ADAMTS6: variants seen among roughly 807,000 people sequenced by gnomAD.
ADAMTS6 encodes the protein A disintegrin and metalloproteinase with thrombospondin motifs 6.
ADAMTS6 carries 23 observed loss-of-function variants against 144.3 expected under a neutral mutation model. The observed-to-expected ratio is 0.16, with a 90% CI of 0.11 to 0.23. ADAMTS6 has a LOEUF of 0.23. ADAMTS6 is among the 10% of genes least tolerant of loss of function. The pLI is 1.00. For missense variants in ADAMTS6, 999 were observed against 1,379.6 expected (o/e 0.72, Z 4.37); for synonymous variants, 444 against 457.5 (o/e 0.97, Z 0.38).
intron 14 of ADAMTS6, among the ~76,000 whole-genome samples, chr5:65,257,830 C>T (rs963779245): frequency 6.6e-6 from 1 of 152,170 alleles, no homozygotes; most frequent in Non-Finnish European, 1.5e-5. Flanking sequence ...ACTTCTATAG[C>T]ATCCCATACT....
chr5:65,437,684 T>C (rs1757550217), intron 7 of ADAMTS6, among the ~76,000 whole-genome samples: 1 of 152,256 alleles, frequency 6.6e-6, no homozygotes, highest in Non-Finnish European at 1.5e-5. Flanking sequence ...GTATAGTATT[T>C]GCATGTGATC....
chr5:65,396,390 T>C (rs1753341536), intron 7 of ADAMTS6, among the ~76,000 whole-genome samples: 1 of 152,206 alleles, frequency 6.6e-6, no homozygotes, highest in Non-Finnish European at 1.5e-5. Context: ...ATGTCTTGAT[T>C]ATGCGATAAG....
At chr5:65,365,836 A>C (rs908622911) in intron 7 of ADAMTS6, among the ~76,000 whole-genome samples, 1 of 152,140 alleles carries the variant, frequency 6.6e-6, no homozygotes, top group Non-Finnish European at 1.5e-5. Context: ...CTTATTTTAC[A>C]AAGTAAAATG....
chr5:65,302,270 TA>T (rs1205808324), intron 9 of ADAMTS6, among the ~76,000 whole-genome samples: 1 of 140,590 alleles, frequency 7.1e-6, no homozygotes, highest in Non-Finnish European at 1.5e-5. Context: ...TATTAATATC[TA>T]AATTATATAT....
intron 7 of ADAMTS6, among the ~76,000 whole-genome samples, chr5:65,338,761 T>C (rs189552622): frequency 1.8e-4 from 27 of 152,170 alleles, no homozygotes; most frequent in African/African-American, 6.0e-4. Context: ...ATCCCAGGCC[T>C]AAGAAACAGC....
chr5:65,161,640 G>T (rs1212913941), intron 24 of ADAMTS6, among the ~76,000 whole-genome samples: 1 of 152,104 alleles, frequency 6.6e-6, no homozygotes, highest in Non-Finnish European at 1.5e-5. Flanking sequence ...TGCCCTGAAA[G>T]ACTATGAACT....
chr5:65,210,546 T>C, intron 20 of ADAMTS6: 2 of 507,552 alleles, frequency 3.9e-6, no homozygotes, highest in Non-Finnish European at 7.1e-6. Context: ...CAGGTGTCTT[T>C]ATCTGCTATC....
Position 65,164,396 on chromosome 5 carries a change from G to A in ADAMTS6, c.3244+6221C>T, listed in dbSNP as rs1337373910. On this transcript the variant is annotated intron_variant, in intron 24 of 24. Coordinates refer to ENST00000381055, the MANE Select transcript of ADAMTS6 (RefSeq NM_197941.4). ...GAGGGTCCTACGCCCACGGAGTCTC[G>A]CTGATTGCTAGCACAGCAGTCTGAG... Among the ~76,000 whole-genome samples the A allele has an allele frequency of 6.5e-4, 98 of 151,564 alleles. 2 individuals are homozygous for A. The South Asian group carries it at 0.017, about 27-fold the overall frequency.
chr5:65,350,944 G>A (rs1298436119), intron 7 of ADAMTS6, among the ~76,000 whole-genome samples: 1 of 152,100 alleles, frequency 6.6e-6, no homozygotes, highest in Admixed American at 6.6e-5. Flanking sequence ...CACTGAACCC[G>A]GCCTCTAACT....
At chr5:65,360,573 AGTCAAT>A (rs761148393) in intron 7 of ADAMTS6, among the ~76,000 whole-genome samples, 2 of 152,198 alleles carry the variant, frequency 1.3e-5, no homozygotes, top group Non-Finnish European at 2.9e-5. Flanking sequence ...ACAAGAAACA[AGTCAAT>A]GTGTTATAAT....
chr5:65,453,446 A>G (rs1050157416), intron 4 of ADAMTS6, among the ~76,000 whole-genome samples: 3 of 152,194 alleles, frequency 2.0e-5, no homozygotes, highest in Non-Finnish European at 4.4e-5. Context: ...AAAGGCAACG[A>G]ATTACTTTTT....
At chr5:65,394,815 CT>C (rs1320736222) in intron 7 of ADAMTS6, among the ~76,000 whole-genome samples, 1 of 152,126 alleles carries the variant, frequency 6.6e-6, no homozygotes, top group Non-Finnish European at 1.5e-5. Context: ...ACCCTCCAAA[CT>C]TACAGAGTCT....
chr5:65,295,637 T>C (rs1742762353), intron 10 of ADAMTS6, among the ~76,000 whole-genome samples: 1 of 152,082 alleles, frequency 6.6e-6, no homozygotes, highest in South Asian at 2.1e-4. Flanking sequence ...ATTATTTCCC[T>C]AGCAGCATAT....
At chr5:65,336,699 T>C (rs552359755) in intron 7 of ADAMTS6, among the ~76,000 whole-genome samples, 4 of 152,244 alleles carry the variant, frequency 2.6e-5, no homozygotes, top group East Asian at 3.9e-4. Context: ...AAATAAGGAA[T>C]ATGATATTTG....
intron 22 of ADAMTS6, among the ~76,000 whole-genome samples, chr5:65,186,012 T>C (rs1196231030): frequency 6.6e-6 from 1 of 152,212 alleles, no homozygotes; most frequent in Non-Finnish European, 1.5e-5. Flanking sequence ...TGAAGGGTGA[T>C]ATAGTATAGA....
chr5:65,252,179 A>G (rs1037591757), intron 14 of ADAMTS6, among the ~76,000 whole-genome samples: 2 of 152,150 alleles, frequency 1.3e-5, no homozygotes, highest in Non-Finnish European at 2.9e-5. Flanking sequence ...TCAAAATAAT[A>G]AAGTATTCCT....
intron 3 of ADAMTS6, among the ~76,000 whole-genome samples, chr5:65,469,799 T>C (rs1580784337): frequency 6.6e-6 from 1 of 152,220 alleles, no homozygotes; most frequent in Admixed American, 6.5e-5. Flanking sequence ...TTATTTTATA[T>C]TGAAACAGAA....
intron 7 of ADAMTS6, among the ~76,000 whole-genome samples, chr5:65,405,161 T>C (rs1169013732): frequency 6.6e-6 from 1 of 152,214 alleles, no homozygotes; most frequent in Non-Finnish European, 1.5e-5. Flanking sequence ...TAGATCCCAA[T>C]TGTCAATTTT....
intron 1 of ADAMTS6, among the ~76,000 whole-genome samples, chr5:65,474,610 AG>A (rs1228250236): frequency 2.0e-5 from 3 of 152,100 alleles, no homozygotes; most frequent in African/African-American, 7.2e-5. Flanking sequence ...CTTCATTTCA[AG>A]TATTACAACA....
Sources: allele counts gnomAD v4.1 joint callset (sites outside exome capture counted in the v4.1 genomes callset), GRCh38; gene constraint gnomAD v4.1.1; transcripts MANE v1.5; gene names NCBI Gene and HGNC (gene_info 2026-07-23, HGNC 2026-07-21).